Variants in ZNF438 observed in about 807,000 individuals in gnomAD.
ZNF438 encodes the protein zinc finger protein 438.
In ZNF438, 25 loss-of-function variants were observed where a neutral mutation model predicts 38.0. The observed-to-expected ratio is 0.66, with a 90% confidence interval of 0.48 to 0.92. The LOEUF is 0.92. ZNF438 is among the 40% of genes least tolerant of loss of function. ZNF438 has a pLI of 0.00. For missense variants in ZNF438, 1,007 were observed against 999.6 expected (o/e 1.01, Z -0.10); for synonymous variants, 372 against 364.1 (o/e 1.02, Z -0.25).
Position 30,913,092 on chromosome 10 carries a change from G to A in ZNF438, c.-114-4077C>T, listed in dbSNP as rs115967770. On this transcript the variant is annotated intron_variant, in intron 2 of 5. Transcript: ENST00000413025. ...CCACTAAAATGGCCTGTAACCAGTC[G>A]AGACACTTCCACCCTTTACCCCAAA... Among the ~76,000 whole-genome samples, 6 of 151,930 alleles carry A rather than the reference G, an allele frequency of 3.9e-5. No homozygotes were observed. The East Asian group carries it at 5.8e-4, about 15-fold the overall frequency.
At chr10:30,967,440 T>C (rs2050244109) in intron 1 of ZNF438, among the ~76,000 whole-genome samples, 1 of 152,194 alleles carries the variant, frequency 6.6e-6, no homozygotes, top group Admixed American at 6.5e-5. Flanking sequence ...AGTAAGATGG[T>C]AGGGCCAAAA....
intron 1 of ZNF438, among the ~76,000 whole-genome samples, chr10:30,955,230 G>A (rs1407501952): frequency 6.6e-6 from 1 of 152,180 alleles, no homozygotes; most frequent in Non-Finnish European, 1.5e-5. Flanking sequence ...GATTCTTGGA[G>A]GTGGGTGAGT....
In ZNF438 at chr10:30,879,611, G is replaced by T. The variant is rs79875303; in HGVS notation, c.-31-2546C>A. Among the ~76,000 whole-genome samples the T allele has an allele frequency of 3.1e-3, 467 of 152,206 alleles. 2 individuals are homozygous for T. Among genetic ancestry groups the T allele is most frequent in the African/African-American group, 0.01 (431 of 41,526 alleles). ...TCATGTGCTCAAAATGTTAAGTACA[G>T]GTAGAAAAGACATGAAAAAATTCAA... On this transcript the variant is annotated intron_variant, in intron 3 of 5. Transcript: ENST00000413025.
At chr10:31,016,567 G>C (rs1396162644) in intron 1 of ZNF438, among the ~76,000 whole-genome samples, 1 of 152,350 alleles carries the variant, frequency 6.6e-6, no homozygotes, top group East Asian at 1.9e-4. Context: ...AGGTCATCCA[G>C]AGACTAAGAT....
chr10:30,908,462 C>T (rs1318771212), intron 3 of ZNF438, among the ~76,000 whole-genome samples: 1 of 152,152 alleles, frequency 6.6e-6, no homozygotes, highest in Non-Finnish European at 1.5e-5. Flanking sequence ...TTTAAGGGCT[C>T]ACCATGCCAT....
intron 2 of ZNF438, among the ~76,000 whole-genome samples, chr10:30,934,593 T>G (rs1456471671): frequency 6.6e-6 from 1 of 152,248 alleles, no homozygotes; most frequent in Non-Finnish European, 1.5e-5. Flanking sequence ...CTTGTAAACA[T>G]TTTTGAAAAG....
intron 1 of ZNF438, among the ~76,000 whole-genome samples, chr10:31,016,707 A>C (rs2133202288): frequency 6.6e-6 from 1 of 152,326 alleles, no homozygotes; most frequent in South Asian, 2.1e-4. Flanking sequence ...TTTTTAATAC[A>C]AATATGTTTT....
At chr10:31,005,373 G>A (rs1391454997) in intron 1 of ZNF438, among the ~76,000 whole-genome samples, 1 of 152,156 alleles carries the variant, frequency 6.6e-6, no homozygotes, top group Non-Finnish European at 1.5e-5. Context: ...GATGAATGTG[G>A]AAGACATTAT....
chr10:30,995,273 C>G (rs549435470), intron 1 of ZNF438, among the ~76,000 whole-genome samples: 15 of 152,230 alleles, frequency 9.9e-5, no homozygotes, highest in African/African-American at 3.6e-4. Context: ...AATGACCAGA[C>G]AAGTACAAAG....
intron 1 of ZNF438, among the ~76,000 whole-genome samples, chr10:30,946,539 T>C (rs930822445): frequency 3.9e-5 from 6 of 152,160 alleles, no homozygotes; most frequent in Non-Finnish European, 8.8e-5. Flanking sequence ...GCGAAGGACA[T>C]GAACAGACAC....
chr10:30,875,499 C>CT, intron 4 of ZNF438: 1 of 985,396 alleles, frequency 1.0e-6, no homozygotes, highest in Non-Finnish European at 1.2e-6. Context: ...TCCTAAGCTT[C>CT]TCCTTGCTTG....
At chr10:30,949,955 G>T (rs1290966702) in intron 1 of ZNF438, among the ~76,000 whole-genome samples, 1 of 151,906 alleles carries the variant, frequency 6.6e-6, no homozygotes, top group Non-Finnish European at 1.5e-5. Context: ...TTTTTTTTCA[G>T]CACCACACCA....
At chr10:30,968,434 CTTTTTTTTTTTTTTTTTT>C (rs546132410) in intron 1 of ZNF438, among the ~76,000 whole-genome samples, 1 of 103,616 alleles carries the variant, frequency 9.7e-6, no homozygotes, top group Non-Finnish European at 1.9e-5. Flanking sequence ...TGAATGTAAA[CTTTTTTTTTTTTTTTTTT>C]TTTTTTTTGA....
chr10:30,845,156 G>A (rs774735009), exon 6 of ZNF438: 1 of 1,614,216 alleles, frequency 6.2e-7, no homozygotes, highest in South Asian at 1.1e-5. Context: ...ACGTGTGGAG[G>A]CCAGGACACT....
At chr10:30,942,063 A>G (rs1159650508) in intron 1 of ZNF438, among the ~76,000 whole-genome samples, 1 of 152,258 alleles carries the variant, frequency 6.6e-6, no homozygotes, top group East Asian at 1.9e-4. Context: ...CAAACATGAA[A>G]AACTCTGTAT....
chr10:31,007,112 G>A (rs1228691265), intron 1 of ZNF438, among the ~76,000 whole-genome samples: 3 of 152,064 alleles, frequency 2.0e-5, no homozygotes, highest in African/African-American at 7.2e-5. Context: ...AAGGAATGCA[G>A]GCAGCCTCCA....
chr10:30,948,623 T>C (rs1440182579), intron 1 of ZNF438, among the ~76,000 whole-genome samples: 1 of 150,386 alleles, frequency 6.6e-6, no homozygotes, highest in East Asian at 1.9e-4. Context: ...CAGGAGCCGA[T>C]GCGATCAACT....
At chr10:31,009,003 T>C (rs996429010) in intron 1 of ZNF438, among the ~76,000 whole-genome samples, 1 of 152,230 alleles carries the variant, frequency 6.6e-6, no homozygotes, top group Non-Finnish European at 1.5e-5. Context: ...CTTCTCTCTA[T>C]GAGTGACAAC....
At chr10:30,994,306 C>T (rs566846471) in intron 1 of ZNF438, among the ~76,000 whole-genome samples, 8 of 152,236 alleles carry the variant, frequency 5.3e-5, no homozygotes, top group African/African-American at 7.2e-5. Flanking sequence ...AAAGGTTCAC[C>T]GTATTGGAAA....
Sources: allele counts gnomAD v4.1 joint callset (sites outside exome capture counted in the v4.1 genomes callset), GRCh38; gene constraint gnomAD v4.1.1; transcripts MANE v1.5; gene names NCBI Gene and HGNC (gene_info 2026-07-23, HGNC 2026-07-21).